The following FCER1A variants were observed in gnomAD, a reference collection of about 807,000 sequenced individuals.
The protein encoded by FCER1A is Fc epsilon receptor Ia.
A neutral mutation model predicts 23.6 loss-of-function variants in FCER1A; 24 were observed. The observed-to-expected ratio is 1.02, with a 90% CI of 0.74 to 1.43. The LOEUF (loss-of-function observed/expected upper bound fraction) is 1.43. Ranked by LOEUF, FCER1A falls within the 40% of genes most tolerant of loss-of-function variation. FCER1A has a pLI of 0.00. For synonymous variants in FCER1A, 121 were observed against 108.8 expected (o/e 1.11, Z -0.70); for missense variants, 318 against 294.5 (o/e 1.08, Z -0.58).
chr1:159,302,265 T>C, upstream of FCER1A: 1 of 847,224 alleles, frequency 1.2e-6, no homozygotes, highest in Non-Finnish European at 2.1e-6. Flanking sequence ...GTTAACCAGA[T>C]ATGATACAGA....
chr1:159,307,567 C>G (rs1019815795), intron 4 of FCER1A, among the ~76,000 whole-genome samples, 181 bp from the exon 5 acceptor site: 6 of 152,150 alleles, frequency 3.9e-5, no homozygotes, highest in African/African-American at 1.2e-4. Flanking sequence ...CCAGGGAGCA[C>G]CAACAGAGCA....
At chr1:159,287,632 A>G (rs1340123498), upstream of FCER1A, among the ~76,000 whole-genome samples, 1 of 150,362 alleles carries the variant, frequency 6.7e-6, no homozygotes, top group Non-Finnish European at 1.5e-5. Context: ...AAATATGTAC[A>G]TGTAGATAAA....
chr1:159,294,919 A>T (rs1450393756), intron 1 of FCER1A, among the ~76,000 whole-genome samples: 2 of 152,190 alleles, frequency 1.3e-5, no homozygotes, highest in Non-Finnish European at 2.9e-5. Context: ...AAAAATTAGA[A>T]AATATAATTA....
At chr1:159,292,563 T>C (rs182136119) in intron 1 of FCER1A, among the ~76,000 whole-genome samples, 114 of 152,252 alleles carry the variant, frequency 7.5e-4, no homozygotes, top group African/African-American at 2.5e-3. Flanking sequence ...TTTTGACTCT[T>C]AAGCATTTCC....
chr1:159,286,628 G>A (rs1196783733), upstream of FCER1A, among the ~76,000 whole-genome samples: 1 of 152,144 alleles, frequency 6.6e-6, no homozygotes, highest in Non-Finnish European at 1.5e-5. Context: ...CATCGTGCCC[G>A]GCCTAAATCA....
upstream of FCER1A, among the ~76,000 whole-genome samples, chr1:159,301,794 T>C (rs996086275): frequency 1.3e-5 from 2 of 152,162 alleles, no homozygotes; most frequent in Non-Finnish European, 2.9e-5. Context: ...GACTTAGGGG[T>C]TAGATTTTAT....
upstream of FCER1A, among the ~76,000 whole-genome samples, chr1:159,284,845 T>A (rs912310864): frequency 2.6e-5 from 4 of 152,238 alleles, no homozygotes; most frequent in Non-Finnish European, 5.9e-5. Flanking sequence ...GCAATGCATT[T>A]TGAAACTTTC....
intron 1 of FCER1A, among the ~76,000 whole-genome samples, chr1:159,294,577 TTC>T (rs1652247195): frequency 6.6e-6 from 1 of 152,212 alleles, no homozygotes; most frequent in African/African-American, 2.4e-5. Context: ...CTTATTTATT[TTC>T]TGTTTTCTCC....
At chr1:159,300,237 C>T (rs1652396872), upstream of FCER1A, among the ~76,000 whole-genome samples, 1 of 152,108 alleles carries the variant, frequency 6.6e-6, no homozygotes, top group Admixed American at 6.6e-5. Flanking sequence ...GCTCCATCTC[C>T]CATCTAAGTA....
At chr1:159,295,635 C>T (rs1053577505) in intron 1 of FCER1A, among the ~76,000 whole-genome samples, 1 of 152,108 alleles carries the variant, frequency 6.6e-6, no homozygotes, top group African/African-American at 2.4e-5. Context: ...CATTTGTTTT[C>T]TTGAACCTCT....
upstream of FCER1A, among the ~76,000 whole-genome samples, chr1:159,300,784 C>CT (rs1307373037): frequency 6.6e-6 from 1 of 152,220 alleles, no homozygotes; most frequent in East Asian, 1.9e-4. Flanking sequence ...CATTTTACTT[C>CT]TTTTTTATCT....
upstream of FCER1A, among the ~76,000 whole-genome samples, chr1:159,286,749 T>C (rs1571072696): frequency 6.6e-6 from 1 of 152,142 alleles, no homozygotes; most frequent in African/African-American, 2.4e-5. Context: ...TAGCTTGGGG[T>C]GCAAGCTAAA....
In FCER1A at chr1:159,307,609, C is replaced by T. The variant is rs77006202; in HGVS notation, c.590-139C>T. The T allele has an allele frequency of 6.1e-4, 367 of 603,674 alleles. 2 individuals are homozygous for T. The highest frequency in any genetic ancestry group is 2.4e-3 in the Admixed American group (84 of 34,758). The allele number at this position is 603,674 out of a possible 1,614,324, so 37.4% of individuals were successfully genotyped here. On this transcript the variant is annotated intron_variant, in intron 4 of 4. Transcript: ENST00000693622. ...CCTAGTGTTAATCTGAGTGTTTTCT[C>T]TGTGCTTCTGGATGCCACATCACGC...
upstream of FCER1A, among the ~76,000 whole-genome samples, chr1:159,289,550 C>A: frequency 6.6e-6 from 1 of 152,160 alleles, no homozygotes; most frequent in East Asian, 1.9e-4. Context: ...TCTTCTTGGG[C>A]AGTAGCCTCC....
chr1:159,305,929 T>C, intron 3 of FCER1A, 59 bp from the exon 4 acceptor site: 1 of 1,472,442 alleles, frequency 6.8e-7, no homozygotes, highest in Non-Finnish European at 9.4e-7. Context: ...CTCTTTTCTC[T>C]ATTCATTCTC....
Position 159,304,063 on chromosome 1 carries a change from C to T in FCER1A, c.212C>T (p.Ser71Leu). Residue 71 changes from serine (S) to leucine (L), a missense_variant, in exon 3 of 5, where the codon TCA becomes TTA. Ser to Leu is a moderately radical substitution (Grantham distance 145, BLOSUM62 -2). Coordinates refer to ENST00000693622, the MANE Select transcript of FCER1A (RefSeq NM_001387280.1). ...STKWFHNGSL[S>L]EETNSSLNIV... ...AAATGGTTCCACAATGGCAGCCTTTCAGAAGAGACAAATTCAAGTTTGAAT... is the reference window on the plus strand; with the variant it reads ...AAATGGTTCCACAATGGCAGCCTTTTAGAAGAGACAAATTCAAGTTTGAAT... The T allele has an allele frequency of 6.2e-7, 1 of 1,614,172 alleles. No homozygotes were observed. The highest frequency in any genetic ancestry group is 8.5e-7 in the Non-Finnish European group (1 of 1,180,012).
upstream of FCER1A, among the ~76,000 whole-genome samples, chr1:159,286,740 A>G (rs1171583797): frequency 1.3e-5 from 2 of 152,190 alleles, no homozygotes; most frequent in African/African-American, 4.8e-5. Flanking sequence ...TTCATCATTT[A>G]GCTTGGGGTG....
At chr1:159,293,237 CT>C (rs1652204235) in intron 1 of FCER1A, among the ~76,000 whole-genome samples, 1 of 150,830 alleles carries the variant, frequency 6.6e-6, no homozygotes, top group Non-Finnish European at 1.5e-5. Flanking sequence ...TCCGGTGGCT[CT>C]TTCTTAGCTT....
chr1:159,290,482 A>G (rs1652120887), intron 1 of FCER1A, among the ~76,000 whole-genome samples: 3 of 152,174 alleles, frequency 2.0e-5, no homozygotes, highest in South Asian at 4.1e-4. Flanking sequence ...ATGACCACAA[A>G]CTCTCAACTT....
Sources: allele counts gnomAD v4.1 joint callset (sites outside exome capture counted in the v4.1 genomes callset), GRCh38; gene constraint gnomAD v4.1.1; transcripts MANE v1.5; gene names NCBI Gene and HGNC (gene_info 2026-07-23, HGNC 2026-07-21).